The following ZC3H12B variants were observed in gnomAD, a reference collection of about 807,000 sequenced individuals.
ZC3H12B encodes the protein probable ribonuclease ZC3H12B.
ZC3H12B carries 7 observed loss-of-function variants against 43.9 expected under a neutral mutation model. That is an observed-to-expected ratio of 0.16 (90% CI 0.09 to 0.30). The LOEUF is 0.30. ZC3H12B is among the 10% of genes least tolerant of loss of function. ZC3H12B has a pLI of 1.00. For missense variants in ZC3H12B, 475 were observed against 670.2 expected (o/e 0.71, Z 3.22); for synonymous variants, 222 against 241.7 (o/e 0.92, Z 0.76).
At chrX:65,173,118 C>T in the ZC3H12B span, among the ~76,000 whole-genome samples, 2 of 111,629 alleles carry the variant, frequency 1.8e-5, no homozygotes, top group African/African-American at 3.3e-5. Flanking sequence ...TTGTAGTTCT[C>T]TTTGAAGACG....
the ZC3H12B span, among the ~76,000 whole-genome samples, chrX:65,216,073 G>C: frequency 1.8e-5 from 2 of 111,045 alleles, no homozygotes; most frequent in African/African-American, 6.6e-5. Flanking sequence ...GAGCAGCATG[G>C]TCAAATAAAA....
At chrX:65,326,032 A>G in the ZC3H12B span, among the ~76,000 whole-genome samples, 1 of 111,575 alleles carries the variant, frequency 9.0e-6, no homozygotes, top group African/African-American at 3.3e-5. Flanking sequence ...CCCTTGTCTG[A>G]CACATTATAA....
At chrX:65,229,889 G>A in the ZC3H12B span, among the ~76,000 whole-genome samples, 2 of 110,438 alleles carry the variant, frequency 1.8e-5, no homozygotes, top group Non-Finnish European at 3.8e-5. Context: ...GAAACAACAG[G>A]TGCTGGAGAG....
At chrX:65,176,204 G>A in the ZC3H12B span, among the ~76,000 whole-genome samples, 1 of 111,525 alleles carries the variant, frequency 9.0e-6, no homozygotes, top group Non-Finnish European at 1.9e-5. Flanking sequence ...CTTGGTGGGG[G>A]GAGGGGATCC....
chrX:65,259,518 G>T, the ZC3H12B span, among the ~76,000 whole-genome samples: 1 of 111,930 alleles, frequency 8.9e-6, no homozygotes, highest in Admixed American at 9.5e-5. Context: ...AATTCATGAT[G>T]AAGATGCCAA....
At chrX:65,501,014 G>A (rs1206377308) in intron 4 of ZC3H12B, among the ~76,000 whole-genome samples, 1 of 110,747 alleles carries the variant, frequency 9.0e-6, no homozygotes, top group Non-Finnish European at 1.9e-5. Flanking sequence ...GATGAACTTT[G>A]GTTACAGAAG....
chrX:65,448,955 A>AAAAGAAAGAAAGAAAG (rs1556209271), intron 3 of ZC3H12B, among the ~76,000 whole-genome samples: 2 of 58,967 alleles, frequency 3.4e-5, no homozygotes, highest in Admixed American at 1.9e-4. Context: ...GAAAGAAAGA[A>AAAAGAAAGAAAGAAAG]AAAGAAAGAA....
At chrX:65,120,389 A>G in the ZC3H12B span, among the ~76,000 whole-genome samples, 8 of 111,122 alleles carry the variant, frequency 7.2e-5, no homozygotes, top group Non-Finnish European at 1.3e-4. Context: ...ATTCCTAGGT[A>G]TTTTATTCTC....
intron 2 of ZC3H12B, among the ~76,000 whole-genome samples, chrX:65,393,236 T>C (rs1011072193): frequency 9.0e-6 from 1 of 111,315 alleles, no homozygotes; most frequent in Non-Finnish European, 1.9e-5. Context: ...CACCCAAGAA[T>C]GATCAATAAA....
intron 3 of ZC3H12B, among the ~76,000 whole-genome samples, chrX:65,420,757 A>G (rs1242655837): frequency 9.1e-6 from 1 of 110,485 alleles, no homozygotes; most frequent in East Asian, 2.8e-4. Flanking sequence ...AGAAACCATT[A>G]AAAAAAAAGC....
At chrX:65,392,674 C>A (rs1293589289) in intron 2 of ZC3H12B, among the ~76,000 whole-genome samples, 1 of 112,179 alleles carries the variant, frequency 8.9e-6, no homozygotes, top group South Asian at 3.7e-4. Flanking sequence ...GGGTGGGGGG[C>A]CCCTCTGCCT....
intron 2 of ZC3H12B, among the ~76,000 whole-genome samples, chrX:65,381,068 C>T (rs2066431547): frequency 9.0e-6 from 1 of 110,924 alleles, no homozygotes; most frequent in Non-Finnish European, 1.9e-5. Flanking sequence ...AACAAAGATA[C>T]CCAGGAATTG....
the ZC3H12B span, among the ~76,000 whole-genome samples, chrX:65,231,658 A>G: frequency 4.5e-5 from 5 of 110,887 alleles, no homozygotes; most frequent in Admixed American, 9.6e-5. Context: ...ACATCCATCT[A>G]TAGGTTTTCT....
the ZC3H12B span, among the ~76,000 whole-genome samples, chrX:65,308,129 A>C: frequency 9.0e-6 from 1 of 111,343 alleles, no homozygotes; most frequent in Admixed American, 9.6e-5. Flanking sequence ...AGACCATATG[A>C]TAGGCCACAA....
At chrX:65,241,948 C>G in the ZC3H12B span, among the ~76,000 whole-genome samples, 3 of 111,316 alleles carry the variant, frequency 2.7e-5, no homozygotes, top group Admixed American at 9.5e-5. Context: ...ACTGTTCTGC[C>G]AAGACTCTGC....
chrX:65,151,540 C>G, the ZC3H12B span, among the ~76,000 whole-genome samples: 1 of 111,786 alleles, frequency 8.9e-6, no homozygotes, highest in African/African-American at 3.2e-5. Flanking sequence ...TTTAATTACT[C>G]AGATTACCAA....
At chrX:65,100,559 G>A in the ZC3H12B span, among the ~76,000 whole-genome samples, 10 of 2,542 alleles carry the variant, frequency 3.9e-3, no homozygotes, top group South Asian at 0.021. Flanking sequence ...ACCAAGCAAA[G>A]ATAAAGCAAA....
At chrX:65,371,640 T>G (rs1180251686) in intron 2 of ZC3H12B, among the ~76,000 whole-genome samples, 1 of 112,224 alleles carries the variant, frequency 8.9e-6, no homozygotes. Context: ...CTGAACAAGA[T>G]GCAAGCAAAT....
At chrX:65,143,698 G>A in the ZC3H12B span, among the ~76,000 whole-genome samples, 1 of 108,538 alleles carries the variant, frequency 9.2e-6, no homozygotes, top group Non-Finnish European at 1.9e-5. Context: ...GAATAGCTGG[G>A]ACTAGAGGTG....
Sources: gnomAD v4.1 joint callset for allele counts (sites outside exome capture counted in the v4.1 genomes callset) on GRCh38, gnomAD v4.1.1 for gene constraint, MANE v1.5 for transcripts, NCBI Gene and HGNC (gene_info 2026-07-23, HGNC 2026-07-21) for gene names.